The following CCDC3 variants were observed in gnomAD, a reference collection of about 807,000 sequenced individuals.
CCDC3 encodes the protein coiled-coil domain containing 3.
Under a neutral mutation model 21.4 loss-of-function variants are expected in CCDC3, and 24 were observed. The ratio of observed to expected loss-of-function variants is 1.12; its 90% CI spans 0.81 to 1.58. The LOEUF (loss-of-function observed/expected upper bound fraction) is 1.58, where lower values mean the gene tolerates loss of function less well. Ranked by LOEUF, CCDC3 falls within the 40% of genes most tolerant of loss-of-function variation. CCDC3 has a pLI of 0.00. For synonymous variants in CCDC3, 186 were observed against 166.0 expected (o/e 1.12, Z -0.93); for missense variants, 425 against 360.9 (o/e 1.18, Z -1.44).
At chr10:13,008,273 T>A (rs1433364314) in intron 5 of CCDC3, among the ~76,000 whole-genome samples, 11 of 152,114 alleles carry the variant, frequency 7.2e-5, no homozygotes, top group Non-Finnish European at 1.2e-4. Flanking sequence ...GGGACTTCCA[T>A]GTGAAAGGGC....
chr10:12,920,731 C>G (rs963712756), intron 2 of CCDC3, among the ~76,000 whole-genome samples: 3 of 152,192 alleles, frequency 2.0e-5, no homozygotes, highest in African/African-American at 7.2e-5. Context: ...GGAGGTTGTA[C>G]CATTCTCCCT....
intron 5 of CCDC3, among the ~76,000 whole-genome samples, chr10:13,013,805 T>C (rs1836014055): frequency 6.6e-6 from 1 of 152,098 alleles, no homozygotes; most frequent in South Asian, 2.1e-4. Context: ...AAGTATCAAG[T>C]TCACAAAAAT....
At chr10:12,985,829 T>C (rs1380905742) in intron 2 of CCDC3, among the ~76,000 whole-genome samples, 2 of 152,148 alleles carry the variant, frequency 1.3e-5, no homozygotes, top group Non-Finnish European at 2.9e-5. Flanking sequence ...TGTATCTTAA[T>C]TGTGGTGGGG....
At chr10:13,000,971 C>G (rs144517113) in intron 1 of CCDC3, among the ~76,000 whole-genome samples, 285 of 152,314 alleles carry the variant, frequency 1.9e-3, no homozygotes, top group African/African-American at 6.6e-3. Context: ...GGCACAGAAA[C>G]CTTCCCTGTC....
rs536523361 is a variant in CCDC3 at position 12,998,148 on chromosome 10, A to G, written c.549+190T>C. ...TCCAACAGTAAAGCTTCAGGGATCC[A>G]AAGTTTATGAATGGTCTTTTTTAAC... On this transcript the variant is annotated intron_variant, in intron 2 of 2. Coordinates refer to ENST00000378825, the MANE Select transcript of CCDC3 (RefSeq NM_031455.4). 2.6e-5 allele frequency among the ~76,000 whole-genome samples: 4 copies of G among 152,332 alleles called. No homozygotes were observed. In the South Asian group the frequency reaches 8.3e-4, roughly 32 times the overall value.
chr10:13,001,475 G>A lies in CCDC3; in HGVS notation c.96C>T (p.Ser32=), dbSNP rs1411259551. 2.4e-5 allele frequency: 34 copies of A among 1,401,216 alleles called. 1 individual carries two copies. The highest frequency in any genetic ancestry group is 5.0e-4 in the Middle Eastern group (2 of 4,016). The allele number at this position is 1,401,216 out of a possible 1,614,324, so 86.8% of individuals were successfully genotyped here. A position where few individuals can be genotyped will look rare whatever the true frequency, so the allele number is the denominator to read the frequency against. ...CQLPSEWRPL[S]EGCRAELAET... ...CGGCCAGCTCGGCGCGGCAGCCCTC[G>A]CTCAGGGGCCTCCACTCGGAGGGCA... Residue 32 remains serine, a synonymous_variant, in exon 1 of 3, where the codon AGC becomes AGT. Transcript: ENST00000378825.
chr10:12,928,684 C>T (rs987360013), intron 2 of CCDC3, among the ~76,000 whole-genome samples: 1 of 152,186 alleles, frequency 6.6e-6, no homozygotes, highest in African/African-American at 2.4e-5. Context: ...CACATTGCCT[C>T]CCTGTAGGAA....
intron 3 of CCDC3, among the ~76,000 whole-genome samples, chr10:13,082,141 G>A (rs1795213399): frequency 6.6e-6 from 1 of 152,170 alleles, no homozygotes; most frequent in African/African-American, 2.4e-5. Flanking sequence ...GCTGGGCCCA[G>A]GGGACCACTA....
Position 12,901,279 on chromosome 10 carries a change from T to G in CCDC3, c.550-2600A>C, listed in dbSNP as rs75862879. 9.4e-3 allele frequency among the ~76,000 whole-genome samples: 1,426 copies of G among 152,278 alleles called. 12 individuals carry two copies. The highest frequency in any genetic ancestry group is 0.024 in the African/African-American group (1,010 of 41,562). The stretch of plus-strand genomic sequence containing the variant: ...TCTTACATTATTTTTTCTTTTCTTT[T>G]CTTTTTTTGAGATGGAGTCTTGCTG... On this transcript the variant is annotated intron_variant, in intron 2 of 2. Coordinates refer to ENST00000378825, the MANE Select transcript of CCDC3 (RefSeq NM_031455.4).
At chr10:12,917,359 A>G (rs1287567428) in intron 2 of CCDC3, among the ~76,000 whole-genome samples, 1 of 151,218 alleles carries the variant, frequency 6.6e-6, no homozygotes, top group African/African-American at 2.4e-5. Flanking sequence ...ATACCCGGCT[A>G]ATTTTTTTTT....
chr10:12,914,326 T>A (rs1834316137), intron 2 of CCDC3, among the ~76,000 whole-genome samples: 2 of 152,234 alleles, frequency 1.3e-5, no homozygotes, highest in African/African-American at 4.8e-5. Flanking sequence ...TGTCTAGGAA[T>A]TTATCCATTT....
intron 2 of CCDC3, among the ~76,000 whole-genome samples, chr10:12,922,675 C>T (rs944712277): frequency 7.9e-5 from 12 of 152,078 alleles, no homozygotes; most frequent in South Asian, 2.1e-4. Flanking sequence ...CCCCTTCCCG[C>T]GCCGCAGGAA....
rs977959825 is a variant in CCDC3 at position 12,985,578 on chromosome 10, T to C, written c.549+12760A>G. Among the ~76,000 whole-genome samples, 12 of 152,230 alleles carry C rather than the reference T, an allele frequency of 7.9e-5. 1 individual carries two copies. The highest frequency in any genetic ancestry group is 1.8e-4 in the Non-Finnish European group (12 of 68,042). ...AGCAATCAGCGGTGCATCTACACCATGGAATACTACCCAGCAATGAAAGGG... is the reference window on the plus strand; with the variant it reads ...AGCAATCAGCGGTGCATCTACACCACGGAATACTACCCAGCAATGAAAGGG... On this transcript the variant is annotated intron_variant, in intron 2 of 2. Coordinates refer to ENST00000378825, the MANE Select transcript of CCDC3 (RefSeq NM_031455.4).
chr10:13,091,630 C>T (rs767728611), intron 3 of CCDC3, among the ~76,000 whole-genome samples: 3 of 152,192 alleles, frequency 2.0e-5, no homozygotes, highest in Admixed American at 6.5e-5. Flanking sequence ...CAGAAATGTT[C>T]GCCTTCAACA....
At chr10:12,972,137 C>T (rs1182952025) in intron 2 of CCDC3, among the ~76,000 whole-genome samples, 13 of 152,196 alleles carry the variant, frequency 8.5e-5, no homozygotes. Flanking sequence ...AAACCACCAC[C>T]TCATGCCATA....
intron 2 of CCDC3, among the ~76,000 whole-genome samples, chr10:12,992,262 C>T (rs1428192581): frequency 2.0e-5 from 3 of 152,030 alleles, no homozygotes; most frequent in East Asian, 3.9e-4. Context: ...TGGTGCTGGG[C>T]GCCTGTAGTC....
chr10:12,953,090 GA>G (rs76338519), intron 2 of CCDC3, among the ~76,000 whole-genome samples: 75,419 of 151,606 alleles, frequency 0.5, 21,206 homozygotes, highest in Non-Finnish European at 0.63. Flanking sequence ...ATTTATACAG[GA>G]AAAAAAAAGT....
intron 2 of CCDC3, 90 bp downstream of exon 2, chr10:12,998,247 AG>A: frequency 7.1e-7 from 1 of 1,406,076 alleles, no homozygotes; most frequent in Non-Finnish European, 9.7e-7. Flanking sequence ...GGCTTTTGGA[AG>A]AGTATTCTTG....
chr10:12,925,902 A>C (rs1834529443), intron 2 of CCDC3, among the ~76,000 whole-genome samples: 1 of 152,384 alleles, frequency 6.6e-6, no homozygotes, highest in African/African-American at 2.4e-5. Context: ...TGTATGAGGC[A>C]GAAAAGAACA....
Sources: allele counts gnomAD v4.1 joint callset (sites outside exome capture counted in the v4.1 genomes callset), GRCh38; gene constraint gnomAD v4.1.1; transcripts MANE v1.5; gene names NCBI Gene and HGNC (gene_info 2026-07-23, HGNC 2026-07-21).